Variants in RBFOX1 observed in about 807,000 individuals in gnomAD.
The protein encoded by RBFOX1 is RNA binding protein fox-1 homolog 1.
A neutral mutation model predicts 57.7 loss-of-function variants in RBFOX1; 8 were observed. The observed-to-expected ratio is 0.14, with a 90% CI of 0.08 to 0.25. The LOEUF (loss-of-function observed/expected upper bound fraction) is 0.25, where lower values mean the gene tolerates loss of function less well. RBFOX1 is among the 10% of genes least tolerant of loss of function. The pLI, the probability that RBFOX1 is intolerant of heterozygous loss-of-function variation, is 1.00. For missense variants in RBFOX1, 611 were observed against 548.5 expected, an observed-to-expected ratio of 1.11 and a Z score of -1.14; for synonymous variants, 326 against 222.4, an observed-to-expected ratio of 1.47 and a Z score of -4.15.
chr16:6,949,095 C>T (rs1027477130), intron 3 of RBFOX1, among the ~76,000 whole-genome samples: 22 of 152,254 alleles, frequency 1.4e-4, no homozygotes, highest in African/African-American at 5.1e-4. Flanking sequence ...TCTTTATCCT[C>T]TGAAATGTAA....
intron 3 of RBFOX1, among the ~76,000 whole-genome samples, chr16:5,863,060 G>A (rs1035973263): frequency 2.0e-5 from 3 of 152,106 alleles, no homozygotes; most frequent in African/African-American, 7.2e-5. Flanking sequence ...TTTGGAGTTC[G>A]ACCTGAGTTC....
intron 3 of RBFOX1, among the ~76,000 whole-genome samples, chr16:6,948,036 C>T (rs1333650745): frequency 6.6e-6 from 1 of 152,192 alleles, no homozygotes; most frequent in Non-Finnish European, 1.5e-5. Flanking sequence ...GCCTTCACCT[C>T]CCAAAATGTT....
At chr16:6,912,214 A>G (rs1179428674) in intron 3 of RBFOX1, among the ~76,000 whole-genome samples, 2 of 152,220 alleles carry the variant, frequency 1.3e-5, no homozygotes, top group Admixed American at 6.5e-5. Context: ...AATTTCTCTA[A>G]TGTGGAGTTT....
At chr16:5,518,057 G>C (rs1382857315) in intron 2 of RBFOX1, among the ~76,000 whole-genome samples, 1 of 152,034 alleles carries the variant, frequency 6.6e-6, no homozygotes, top group Non-Finnish European at 1.5e-5. Flanking sequence ...ATTATTTAAA[G>C]AGTGCAAACA....
intron 2 of RBFOX1, among the ~76,000 whole-genome samples, chr16:5,516,807 C>G (rs926331460): frequency 1.3e-5 from 2 of 152,176 alleles, no homozygotes; most frequent in African/African-American, 2.4e-5. Context: ...GCTCGGCACT[C>G]ATTCTTCTCT....
chr16:6,636,239 C>T (rs1014616271), intron 2 of RBFOX1, among the ~76,000 whole-genome samples: 2 of 152,110 alleles, frequency 1.3e-5, no homozygotes, highest in Non-Finnish European at 2.9e-5. Flanking sequence ...GGCACGATCT[C>T]GGCTCACTGC....
chr16:6,809,493 T>G (rs2087860558), intron 3 of RBFOX1, among the ~76,000 whole-genome samples: 1 of 152,180 alleles, frequency 6.6e-6, no homozygotes, highest in Non-Finnish European at 1.5e-5. Context: ...TCATCTACAT[T>G]GAAGAGCTGT....
At chr16:6,841,521 C>T (rs1043780988) in intron 3 of RBFOX1, among the ~76,000 whole-genome samples, 2 of 152,140 alleles carry the variant, frequency 1.3e-5, no homozygotes, top group Non-Finnish European at 2.9e-5. Flanking sequence ...ATTTTCTGAA[C>T]AACCTAACCT....
rs71142678 is a variant in RBFOX1, at chr16:6,085,650, T to TTGTG, written c.-127+65674_-127+65677dup. Among the ~76,000 whole-genome samples the TTGTG allele has an allele frequency of 6.1e-4, 92 of 150,588 alleles. 1 individual carries two copies. The highest frequency in any genetic ancestry group is 1.9e-3 in the African/African-American group (79 of 41,078). On this transcript the variant is annotated intron_variant, in intron 1 of 15. Transcript: ENST00000550418. ...AGGCAGGAGAAGTAGCAGTGTGTGT[T>TTGTG]TGTGTGTGTGTGTGTGTGTCTGTGT... is the stretch of plus-strand genomic sequence containing the variant.
chr16:5,291,285 C>T (rs1413152563), intron 1 of RBFOX1, among the ~76,000 whole-genome samples: 45 of 107,680 alleles, frequency 4.2e-4, no homozygotes, highest in African/African-American at 1.6e-3. Flanking sequence ...TTTTTTGAGA[C>T]GGAGTCTCAC....
At chr16:5,747,854 T>A (rs899113148) in intron 3 of RBFOX1, among the ~76,000 whole-genome samples, 2 of 152,130 alleles carry the variant, frequency 1.3e-5, no homozygotes, top group African/African-American at 4.8e-5. Flanking sequence ...TTTTGAAGGG[T>A]TTTTTGTGTC....
At chr16:5,741,123 T>C (rs1240895700) in intron 3 of RBFOX1, among the ~76,000 whole-genome samples, 1 of 152,164 alleles carries the variant, frequency 6.6e-6, no homozygotes, top group East Asian at 1.9e-4. Flanking sequence ...AGAACTGGGA[T>C]AGTGGTCCAG....
chr16:7,263,048 T>C (rs1603458412), intron 4 of RBFOX1, among the ~76,000 whole-genome samples: 1 of 152,334 alleles, frequency 6.6e-6, no homozygotes, highest in East Asian at 1.9e-4. Flanking sequence ...ATGACTGTTC[T>C]CTCCTCTAGT....
At chr16:7,333,642 C>A (rs2096732444) in intron 4 of RBFOX1, among the ~76,000 whole-genome samples, 1 of 152,102 alleles carries the variant, frequency 6.6e-6, no homozygotes, top group Non-Finnish European at 1.5e-5. Context: ...TCTAGGAATC[C>A]CTTGCCAGAT....
At chr16:6,894,729 A>G (rs1379781805) in intron 3 of RBFOX1, among the ~76,000 whole-genome samples, 4 of 152,216 alleles carry the variant, frequency 2.6e-5, no homozygotes. Flanking sequence ...TAAAAAGGTT[A>G]CCAACAGATT....
intron 3 of RBFOX1, among the ~76,000 whole-genome samples, chr16:5,742,481 G>C (rs1034960436): frequency 6.6e-6 from 1 of 152,122 alleles, no homozygotes; most frequent in South Asian, 2.1e-4. Flanking sequence ...ACTTCTGAAG[G>C]AGGCTTCTAC....
In RBFOX1 at chr16:6,072,612, C is replaced by T. The variant is rs1046441733; in HGVS notation, c.-127+52620C>T. Among the ~76,000 whole-genome samples the T allele has an allele frequency of 5.3e-5, 8 of 149,766 alleles. No homozygotes were observed. The South Asian group carries it at 1.7e-3, about 31-fold the overall frequency. ...TCCAGTTTTTCCACTTCCAGGCCAA[C>T]AATTGTTTTTTTTTTTTAATTTTTC... On this transcript the variant is annotated intron_variant, in intron 1 of 15. Coordinates refer to ENST00000550418, the MANE Select transcript of RBFOX1 (RefSeq NM_018723.4).
intron 3 of RBFOX1, among the ~76,000 whole-genome samples, chr16:5,757,269 G>C (rs900152442): frequency 7.5e-6 from 1 of 134,108 alleles, no homozygotes; most frequent in Non-Finnish European, 1.5e-5. Context: ...GTGTCACTCT[G>C]TTGCCAGGCT....
Position 7,628,340 on chromosome 16 carries a change from CA to C in RBFOX1, c.677-2262del, listed in dbSNP as rs751103394. On this transcript the variant is annotated intron_variant, in intron 10 of 15. Coordinates refer to ENST00000550418, the MANE Select transcript of RBFOX1 (RefSeq NM_018723.4). The stretch of plus-strand genomic sequence containing the variant: ...ACTCTCTGTATATCCTATAGAAACA[CA>C]TTCATTTATTTCTAAGATTTCTAGC... Among the ~76,000 whole-genome samples, 20 of 152,216 alleles carry C rather than the reference CA, an allele frequency of 1.3e-4. 1 individual carries two copies. The South Asian group carries it at 4.2e-3, about 32-fold the overall frequency.
Sources: gnomAD v4.1 joint callset for allele counts (sites outside exome capture counted in the v4.1 genomes callset) on GRCh38, gnomAD v4.1.1 for gene constraint, MANE v1.5 for transcripts, NCBI Gene and HGNC (gene_info 2026-07-23, HGNC 2026-07-21) for gene names.